The following DNAH7 variants were observed in gnomAD, a reference collection of about 807,000 sequenced individuals.
The protein encoded by DNAH7 is axonemal beta dynein heavy chain 7.
DNAH7 carries 397 observed loss-of-function variants against 444.6 expected under a neutral mutation model. The ratio of observed to expected loss-of-function variants is 0.89; its 90% CI spans 0.82 to 0.97. The LOEUF (loss-of-function observed/expected upper bound fraction) is 0.97. Ranked by LOEUF, DNAH7 falls within the 50% of genes least tolerant of loss-of-function variation. DNAH7 has a pLI of 0.00. For missense variants in DNAH7, 4,902 were observed against 4,800.8 expected (o/e 1.02, Z -0.62); for synonymous variants, 1,636 against 1,624.4 (o/e 1.01, Z -0.17).
intron 13 of DNAH7, 32 bp from the exon 14 acceptor site, chr2:195,987,225 G>A (rs1009751303): frequency 6.8e-7 from 1 of 1,473,518 alleles, no homozygotes; most frequent in Non-Finnish European, 9.1e-7. Flanking sequence ...ATCAACATAA[G>A]AAGAAATAAA....
chr2:195,997,420 C>T (rs529184416), intron 12 of DNAH7, among the ~76,000 whole-genome samples: 1 of 152,270 alleles, frequency 6.6e-6, no homozygotes, highest in East Asian at 1.9e-4. Context: ...GAGGCTGAGG[C>T]AGGAGAATCG....
intron 15 of DNAH7, among the ~76,000 whole-genome samples, chr2:195,972,716 G>C (rs1283007595): frequency 6.6e-6 from 1 of 152,138 alleles, no homozygotes; most frequent in Non-Finnish European, 1.5e-5. Flanking sequence ...GAGTGCTGTG[G>C]GTTCACAGAA....
At chr2:196,024,750 T>G (rs1235855257) in intron 7 of DNAH7, among the ~76,000 whole-genome samples, 1 of 152,106 alleles carries the variant, frequency 6.6e-6, no homozygotes, top group African/African-American at 2.4e-5. Flanking sequence ...CCTCTTTCAT[T>G]TGAAAGGAAT....
intron 1 of DNAH7, among the ~76,000 whole-genome samples, chr2:196,061,483 T>C (rs1206671976): frequency 6.6e-6 from 1 of 152,184 alleles, no homozygotes; most frequent in African/African-American, 2.4e-5. Context: ...TCCCCATATT[T>C]TCTTAAACTC....
intron 63 of DNAH7, chr2:195,741,079 A>T (rs184567086): frequency 1.0e-3 from 264 of 260,018 alleles, no homozygotes; most frequent in African/African-American, 5.1e-3. Context: ...GACAATAGTA[A>T]AATTAGGTGT....
chr2:195,896,778 T>G (rs1702344726), intron 29 of DNAH7, among the ~76,000 whole-genome samples: 1 of 152,202 alleles, frequency 6.6e-6, no homozygotes, highest in African/African-American at 2.4e-5. Flanking sequence ...CTTTCCTTGT[T>G]GATTTGCTCC....
At chr2:195,917,822 T>G (rs1214907286) in intron 24 of DNAH7, among the ~76,000 whole-genome samples, 1 of 152,182 alleles carries the variant, frequency 6.6e-6, no homozygotes, top group African/African-American at 2.4e-5. Context: ...ACTTGACCAT[T>G]TTTTGTTTGT....
intron 64 of DNAH7, among the ~76,000 whole-genome samples, 149 bp downstream of exon 64, chr2:195,740,611 GTGTGTA>G (rs1261358117): frequency 9.1e-5 from 6 of 66,134 alleles, no homozygotes; most frequent in Admixed American, 2.5e-4. Context: ...GTGTGTGTGT[GTGTGTA>G]TATATATATA....
intron 12 of DNAH7, among the ~76,000 whole-genome samples, chr2:195,993,945 G>A (rs1278650958): frequency 2.6e-5 from 4 of 152,316 alleles, no homozygotes; most frequent in Admixed American, 2.0e-4. Context: ...AAGGAATGGA[G>A]GAAGAAAAAG....
intron 30 of DNAH7, 130 bp downstream of exon 30, chr2:195,894,846 T>C (rs1317731980): frequency 2.1e-6 from 2 of 959,718 alleles, no homozygotes; most frequent in African/African-American, 1.7e-5. Flanking sequence ...TCTAAAACTT[T>C]ATTTTCTCTT....
intron 24 of DNAH7, among the ~76,000 whole-genome samples, chr2:195,918,199 A>G (rs1441790677): frequency 1.3e-5 from 2 of 152,278 alleles, no homozygotes; most frequent in Non-Finnish European, 2.9e-5. Context: ...TCAGCATCAT[A>G]TATCATTAGG....
chr2:195,746,490 G>A (rs1256482440), intron 63 of DNAH7, among the ~76,000 whole-genome samples: 1 of 152,164 alleles, frequency 6.6e-6, no homozygotes, highest in Non-Finnish European at 1.5e-5. Flanking sequence ...TCTGCACCAA[G>A]CGGACCTAAT....
chr2:195,752,840 C>G (rs999966742), intron 63 of DNAH7, among the ~76,000 whole-genome samples: 5 of 152,192 alleles, frequency 3.3e-5, no homozygotes. Flanking sequence ...ATCACTAACT[C>G]TGAAAAGAAC....
At chr2:195,951,237 T>C (rs960034669) in intron 19 of DNAH7, among the ~76,000 whole-genome samples, 1 of 152,186 alleles carries the variant, frequency 6.6e-6, no homozygotes, top group African/African-American at 2.4e-5. Context: ...AGTTTCCATG[T>C]AGTTGTGTGG....
intron 48 of DNAH7, among the ~76,000 whole-genome samples, chr2:195,826,640 A>T (rs1697767796): frequency 6.6e-6 from 1 of 151,930 alleles, no homozygotes; most frequent in Non-Finnish European, 1.5e-5. Context: ...TTAACTATAT[A>T]TTTTTTTCTG....
Position 195,737,989 on chromosome 2 carries a change from G to A in DNAH7, c.12007C>T (p.Pro4003Ser), listed in dbSNP as rs765475024. 6.8e-6 allele frequency: 11 copies of A among 1,613,968 alleles called. No homozygotes were observed. The highest frequency in any genetic ancestry group is 7.6e-6 in the Non-Finnish European group (9 of 1,179,954). The stretch of plus-strand genomic sequence containing the variant: ...CAGTGTTCCTTGGGTTGGTCAGAGG[G>A]AAGAGTCATGGCAATCACAAAATTC... ...STNFVIAMTL[P>S]SDQPKEHWIG... The change falls in exon 65 of 65, where the codon CCC becomes TCC. Residue 4003 changes from proline (P) to serine (S), a missense_variant. By Grantham distance (74) the Pro-to-Ser change is moderately conservative. Transcript: ENST00000312428.
At chr2:195,995,886 A>T (rs1020726731) in intron 12 of DNAH7, among the ~76,000 whole-genome samples, 2 of 152,058 alleles carry the variant, frequency 1.3e-5, no homozygotes, top group African/African-American at 2.4e-5. Flanking sequence ...GTCTTTTGTG[A>T]TTTCATATGA....
chr2:196,000,318 G>T (rs978136081), intron 12 of DNAH7, among the ~76,000 whole-genome samples: 1 of 151,958 alleles, frequency 6.6e-6, no homozygotes, highest in Non-Finnish European at 1.5e-5. Context: ...TCACTATTAC[G>T]GAAAAAGGTA....
intron 16 of DNAH7, among the ~76,000 whole-genome samples, chr2:195,970,455 G>A (rs1424954666): frequency 6.6e-6 from 1 of 151,684 alleles, no homozygotes; most frequent in Admixed American, 6.6e-5. Flanking sequence ...ATCAAGAATG[G>A]GACTAAAAGA....
Sources: gnomAD v4.1 joint callset for allele counts (sites outside exome capture counted in the v4.1 genomes callset) on GRCh38, gnomAD v4.1.1 for gene constraint, MANE v1.5 for transcripts, NCBI Gene and HGNC (gene_info 2026-07-23, HGNC 2026-07-21) for gene names.